The following CTBP1 variants were observed in gnomAD, a reference collection of about 807,000 sequenced individuals.
The protein encoded by CTBP1 is C-terminal-binding protein 1.
CTBP1 carries 11 observed loss-of-function variants against 42.1 expected under a neutral mutation model. The observed-to-expected ratio is 0.26, with a 90% CI of 0.16 to 0.43. The LOEUF is 0.43. Ranked by LOEUF, CTBP1 falls within the 20% of genes least tolerant of loss-of-function variation. The pLI, the probability that CTBP1 is intolerant of heterozygous loss-of-function variation, is 1.00. For missense variants in CTBP1, 399 were observed against 624.3 expected (o/e 0.64, Z 3.85); for synonymous variants, 324 against 277.1 (o/e 1.17, Z -1.68).
rs193126078 is a variant in CTBP1, at chr4:1,239,712, C to T, written c.8-1375G>A. Among the ~76,000 whole-genome samples the T allele has an allele frequency of 3.7e-3, 566 of 152,364 alleles. 3 individuals carry two copies. Among genetic ancestry groups the T allele is most frequent in the African/African-American group, 0.012 (506 of 41,592 alleles). ...ACCCCAAAGCCGAGGGCTCCCAGTACGGCTGGGCCCATGCCCCTCCCGTGA... is the reference window on the plus strand; with the variant it reads ...ACCCCAAAGCCGAGGGCTCCCAGTATGGCTGGGCCCATGCCCCTCCCGTGA... On this transcript the variant is annotated intron_variant, in intron 2 of 9. Transcript: ENST00000382952.
Position 1,212,131 on chromosome 4 carries a change from C to T in CTBP1, c.*109G>A. ...CCTCCCGCCTCCTGACAGCCCGGAC[C>T]AGTCTCTGCAGTGCCAGGGCCACCA... On this transcript the variant is annotated 3_prime_UTR_variant, in exon 10 of 10. Coordinates refer to ENST00000382952, the MANE Select transcript of CTBP1 (RefSeq NM_001012614.2). 1.0e-6 allele frequency: 1 copy of T among 962,586 alleles called. No homozygotes were observed. Among genetic ancestry groups the T allele is most frequent in the Non-Finnish European group, 1.4e-6 (1 of 701,852 alleles). 59.6% of individuals were successfully genotyped at this position (962,586 alleles called of 1,614,324 possible).
chr4:1,239,800 T>C (rs1036907248), intron 2 of CTBP1, among the ~76,000 whole-genome samples: 3 of 152,202 alleles, frequency 2.0e-5, no homozygotes, highest in African/African-American at 7.2e-5. Context: ...TCCTTCAAGA[T>C]AGGAAACCAG....
intron 1 of CTBP1, chr4:1,244,035 T>G: frequency 4.1e-6 from 4 of 985,314 alleles, no homozygotes; most frequent in Non-Finnish European, 4.8e-6. Context: ...GATTTTAAAG[T>G]AAATGGGGGT....
chr4:1,249,494 C>CGCAGCT (rs1280879994), upstream of CTBP1: 184 of 163,974 alleles, frequency 1.1e-3, 2 homozygotes, highest in Admixed American at 2.2e-3. Context: ...TCCTCCGCGC[C>CGCAGCT]GCAGCCGCAG....
In CTBP1 at chr4:1,212,916, T is replaced by C; in HGVS notation, c.1103A>G (p.Tyr368Cys). 2 of 1,613,398 alleles carry C rather than the reference T, an allele frequency of 1.2e-6. No individual in the cohort carries two copies. Among genetic ancestry groups the C allele is most frequent in the South Asian group, 1.1e-5 (1 of 91,080 alleles). ...CTGGGCCAGCGGGCCTGCTCACCTATAGGCAGCCCCATTGAGCTCAGGGTG... is the reference window on the plus strand; with the variant it reads ...CTGGGCCAGCGGGCCTGCTCACCTACAGGCAGCCCCATTGAGCTCAGGGTG... ...VVHPELNGAA[Y>C]RYPPGVVGVA... The change falls in exon 9 of 10, where the codon TAT (tyrosine) becomes TGT (cysteine). Residue 368 changes from tyrosine (Y) to cysteine (C), a missense_variant. Tyr to Cys is a radical substitution (Grantham distance 194). Transcript: ENST00000382952.
chr4:1,240,028 A>G (rs891986592), intron 2 of CTBP1, among the ~76,000 whole-genome samples: 1 of 152,220 alleles, frequency 6.6e-6, no homozygotes, highest in African/African-American at 2.4e-5. Context: ...GTGAGTGGAT[A>G]GACATCCGCT....
chr4:1,213,890 C>T (rs1355941265), intron 7 of CTBP1: 2 of 458,626 alleles, frequency 4.4e-6, no homozygotes, highest in East Asian at 3.9e-5. Flanking sequence ...TGGCCCCTTC[C>T]AGCCAAAGGG....
At position 1,243,627 on chromosome 4, in the gene CTBP1, G is replaced by A. The variant is rs544050193; in HGVS notation, c.-188-2108C>T. On this transcript the variant is annotated intron_variant, in intron 1 of 9. Transcript: ENST00000382952. Reference sequence around the variant, plus strand: ...CCTGCCCCACTGAGAGCCAGTGTCCGAGTCCTGGAGCCCTCACCTAGGGCA... The same window carrying A: ...CCTGCCCCACTGAGAGCCAGTGTCCAAGTCCTGGAGCCCTCACCTAGGGCA... The A allele has an allele frequency of 3.9e-5, 38 of 985,420 alleles. No individual in the cohort carries two copies. The Admixed American group carries it at 2.0e-3, about 51-fold the overall frequency. The allele number at this position is 985,420 out of a possible 1,614,324, so 61.0% of individuals were successfully genotyped here.
At chr4:1,242,285 C>T (rs898366440) in intron 1 of CTBP1, 57 of 985,310 alleles carry the variant, frequency 5.8e-5, no homozygotes, top group Non-Finnish European at 6.9e-5. Context: ...CTGAGCTGCC[C>T]ACACCTGGCC....
chr4:1,212,214 G>A lies in CTBP1; in HGVS notation c.*26C>T, dbSNP rs865862007. 8.5e-6 allele frequency: 12 copies of A among 1,413,354 alleles called. No individual in the cohort carries two copies. The highest frequency in any genetic ancestry group is 2.2e-4 in the Middle Eastern group (1 of 4,560). The allele number at this position is 1,413,354 out of a possible 1,614,324, so 87.6% of individuals were successfully genotyped here. On this transcript the variant is annotated 3_prime_UTR_variant, in exon 10 of 10. Coordinates refer to ENST00000382952, the MANE Select transcript of CTBP1 (RefSeq NM_001012614.2). ...GGGTTTCCGGGCCCTCTGCCCAGGC[G>A]CCGAGGCTGGAGAGCTCCTCCCGGG...
At position 1,216,132 on chromosome 4, in the gene CTBP1, C is replaced by A; in HGVS notation, c.588G>T (p.Leu196Phe). 1 of 1,611,340 alleles carries A rather than the reference C, an allele frequency of 6.2e-7. No homozygotes were observed. Among genetic ancestry groups the A allele is most frequent in the Non-Finnish European group, 8.5e-7 (1 of 1,179,888 alleles). Residue 196 changes from leucine (L) to phenylalanine (F), a missense_variant, in exon 6 of 10, where the codon TTG becomes TTT. By Grantham distance (22) the Leu-to-Phe change is conservative (BLOSUM62 0). This residue lies in a region of CTBP1 where 309 missense variants were observed against 497.5 expected (regional missense o/e 0.62). Coordinates refer to ENST00000382952, the MANE Select transcript of CTBP1 (RefSeq NM_001012614.2). ...CCAGCGCCCGCTCCACGCCATCCGA[C>A]AAGTAAGGGTCGTAGAAGAGCACGT... is the stretch of plus-strand genomic sequence containing the variant. ...GFNVLFYDPY[L>F]SDGVERALGL...
At chr4:1,228,822 T>C (rs979805713) in intron 3 of CTBP1, among the ~76,000 whole-genome samples, 5 of 151,976 alleles carry the variant, frequency 3.3e-5, no homozygotes, top group African/African-American at 9.7e-5. Context: ...AGGTAGAAAG[T>C]GGTAAGTCCC....
At chr4:1,218,588 A>G (rs1042042335) in intron 5 of CTBP1, 1 of 152,180 alleles carries the variant, frequency 6.6e-6, no homozygotes, top group Non-Finnish European at 1.5e-5. Flanking sequence ...AAGAAAAATT[A>G]CTGAAAAATT....
chr4:1,248,570 G>T, intron 1 of CTBP1: 1 of 574,016 alleles, frequency 1.7e-6, no homozygotes, highest in Non-Finnish European at 2.2e-6. Flanking sequence ...ATCGGGACCC[G>T]GGGTGCCGTC....
At chr4:1,214,197 G>A in intron 7 of CTBP1, 146 bp downstream of exon 7, 1 of 1,093,654 alleles carries the variant, frequency 9.1e-7, no homozygotes, top group Non-Finnish European at 1.2e-6. Flanking sequence ...TCACCCCGCA[G>A]CGGGCGGCAA....
In CTBP1 at chr4:1,248,956, C is replaced by A; in HGVS notation, c.-229G>T. ...TGTTGAGCAAGTGCGAGCTGCCCATCGAGAGGCGCGAGCGGCCGCGGGCCC... is the reference window on the plus strand; with the variant it reads ...TGTTGAGCAAGTGCGAGCTGCCCATAGAGAGGCGCGAGCGGCCGCGGGCCC... On this transcript the variant is annotated 5_prime_UTR_variant, in exon 1 of 10. Transcript: ENST00000382952. 1.0e-6 allele frequency: 1 copy of A among 1,003,508 alleles called. No homozygotes were observed. Among genetic ancestry groups the A allele is most frequent in the South Asian group, 3.3e-5 (1 of 29,870 alleles). The allele number at this position is 1,003,508 out of a possible 1,614,324, so 62.2% of individuals were successfully genotyped here.
chr4:1,244,474 G>C (rs1378332107), intron 1 of CTBP1: 1 of 985,018 alleles, frequency 1.0e-6, no homozygotes, highest in Non-Finnish European at 1.2e-6. Flanking sequence ...TCAGACCCAG[G>C]CTCGGCAGCT....
chr4:1,238,379 C>A lies in CTBP1; in HGVS notation c.8-42G>T, dbSNP rs1332098222. 2 of 1,511,704 alleles carry A rather than the reference C, an allele frequency of 1.3e-6. No individual in the cohort carries two copies. The allele number at this position is 1,511,704 out of a possible 1,614,324, so 93.6% of individuals were successfully genotyped here. A position where few individuals can be genotyped will look rare whatever the true frequency, so the allele number is the denominator to read the frequency against. ...AGTGCTCAGCCTTGCACCACTGCGG[C>A]CCCGTGGCTACAACCCACTCCACGC... On this transcript the variant is annotated intron_variant, in intron 2 of 9. Transcript: ENST00000382952. This position sits in a 1 kb window ranked among gnomAD's most constrained non-coding sequence, Gnocchi z 5.9.
Position 1,213,658 on chromosome 4 carries a change from G to A in CTBP1, c.861-53C>T, listed in dbSNP as rs1032846198. The A allele has an allele frequency of 2.0e-5, 31 of 1,584,478 alleles. 1 individual carries two copies. Among genetic ancestry groups the A allele is most frequent in the African/African-American group, 1.2e-4 (9 of 74,338 alleles). On this transcript the variant is annotated intron_variant, in intron 7 of 9. Coordinates refer to ENST00000382952, the MANE Select transcript of CTBP1 (RefSeq NM_001012614.2). ...CAGCCTGAGTGCTGTGGCTGGGTAC[G>A]GAGGGGAGGTGGCTGGGCACTGGAA...
Sources: allele counts gnomAD v4.1 joint callset (sites outside exome capture counted in the v4.1 genomes callset), GRCh38; gene constraint gnomAD v4.1.1; regional missense constraint gnomAD v4.1.1; non-coding constraint Gnocchi (gnomAD v3.1); transcripts MANE v1.5; gene names NCBI Gene and HGNC (gene_info 2026-07-23, HGNC 2026-07-21).